The following PACS1 variants were observed in gnomAD, a reference collection of about 807,000 sequenced individuals.
PACS1 encodes the protein phosphofurin acidic cluster sorting protein 1, also known as PACS-1.
In PACS1, 24 loss-of-function variants were observed where a neutral mutation model predicts 115.0. The observed-to-expected ratio is 0.21, with a 90% CI of 0.15 to 0.29. The LOEUF (loss-of-function observed/expected upper bound fraction) is 0.29. Ranked by LOEUF, PACS1 falls within the 10% of genes least tolerant of loss-of-function variation. PACS1 has a pLI of 1.00. For synonymous variants in PACS1, 453 were observed against 504.5 expected (o/e 0.90, Z 1.37); for missense variants, 838 against 1,251.2 (o/e 0.67, Z 4.98).
chr11:66,183,255 G>A (rs576915689), intron 1 of PACS1, among the ~76,000 whole-genome samples: 107 of 152,312 alleles, frequency 7.0e-4, no homozygotes, highest in Non-Finnish European at 1.4e-3. Flanking sequence ...TCAGCAGTAA[G>A]AATATAGTGC....
chr11:66,138,802 C>T (rs1484527074), intron 1 of PACS1, among the ~76,000 whole-genome samples: 1 of 152,042 alleles, frequency 6.6e-6, no homozygotes, highest in Non-Finnish European at 1.5e-5. Flanking sequence ...CCTGCCTCAG[C>T]CTCCCGAGTA....
intron 1 of PACS1, among the ~76,000 whole-genome samples, chr11:66,131,910 A>G (rs1410663375): frequency 1.3e-5 from 2 of 152,042 alleles, no homozygotes; most frequent in African/African-American, 4.8e-5. Flanking sequence ...TATCTAACAG[A>G]TATCTCAAAC....
At chr11:66,184,833 G>A (rs1391278430) in intron 1 of PACS1, among the ~76,000 whole-genome samples, 1 of 152,162 alleles carries the variant, frequency 6.6e-6, no homozygotes, top group African/African-American at 2.4e-5. Flanking sequence ...CTAGCACAGA[G>A]CTAAGTACAG....
At chr11:66,231,101 C>T (rs1437852081) in intron 13 of PACS1, among the ~76,000 whole-genome samples, 161 bp downstream of exon 13, 1 of 152,252 alleles carries the variant, frequency 6.6e-6, no homozygotes, top group Non-Finnish European at 1.5e-5. Flanking sequence ...GAGAGGTCTC[C>T]TATATTCCTT....
chr11:66,087,031 G>C (rs780618750), intron 1 of PACS1, among the ~76,000 whole-genome samples: 6 of 152,092 alleles, frequency 3.9e-5, no homozygotes, highest in Non-Finnish European at 5.9e-5. Flanking sequence ...AGCCTAACTT[G>C]ATAAATTTTC....
intron 13 of PACS1, among the ~76,000 whole-genome samples, chr11:66,231,525 T>TA (rs1372595623): frequency 6.6e-6 from 1 of 152,204 alleles, no homozygotes; most frequent in Non-Finnish European, 1.5e-5. Flanking sequence ...CGGCACACCT[T>TA]ACACAGTTCC....
At chr11:66,225,458 G>A (rs1855453175) in intron 10 of PACS1, among the ~76,000 whole-genome samples, 1 of 152,210 alleles carries the variant, frequency 6.6e-6, no homozygotes. Flanking sequence ...ACATCTGGAA[G>A]AGCCAGTAAA....
intron 22 of PACS1, among the ~76,000 whole-genome samples, chr11:66,242,506 G>C (rs930419610): frequency 2.6e-5 from 4 of 152,204 alleles, no homozygotes; most frequent in Admixed American, 2.6e-4. Flanking sequence ...GTGGAACAGG[G>C]AGCACTCCCC....
At chr11:66,146,793 C>T (rs377415815) in intron 1 of PACS1, among the ~76,000 whole-genome samples, 25 of 152,180 alleles carry the variant, frequency 1.6e-4, no homozygotes, top group African/African-American at 6.0e-4. Context: ...ACGCCTGTAA[C>T]CCCAGCACCC....
At chr11:66,239,325 A>G (rs1590843187) in intron 21 of PACS1, 48 bp downstream of exon 21, 1 of 1,570,688 alleles carries the variant, frequency 6.4e-7, no homozygotes, top group African/African-American at 1.4e-5. Flanking sequence ...CATCAGGCCC[A>G]CCCGGCTGAT....
intron 4 of PACS1, among the ~76,000 whole-genome samples, chr11:66,214,818 C>CT (rs1855162068): frequency 6.6e-6 from 1 of 151,558 alleles, no homozygotes; most frequent in African/African-American, 2.4e-5. Flanking sequence ...GACGGGGTTC[C>CT]ACCATGTTGC....
chr11:66,191,748 G>A (rs1228161449), intron 1 of PACS1, among the ~76,000 whole-genome samples: 2 of 152,190 alleles, frequency 1.3e-5, no homozygotes, highest in Non-Finnish European at 2.9e-5. Context: ...GGGTGACTGG[G>A]CGTGGTGGCT....
At chr11:66,071,625 CAG>C (rs2134488351) in intron 1 of PACS1, among the ~76,000 whole-genome samples, 1 of 152,302 alleles carries the variant, frequency 6.6e-6, no homozygotes, top group Admixed American at 6.5e-5. Context: ...ACTCTGGGGA[CAG>C]GGTGCTGTGT....
At chr11:66,082,501 T>TA (rs1262210450) in intron 1 of PACS1, among the ~76,000 whole-genome samples, 44 of 150,548 alleles carry the variant, frequency 2.9e-4, no homozygotes, top group East Asian at 2.5e-3. Flanking sequence ...CTGGCCACCT[T>TA]AAAAAAAAAC....
intron 1 of PACS1, among the ~76,000 whole-genome samples, chr11:66,081,810 C>T (rs896537638): frequency 1.3e-5 from 2 of 152,174 alleles, no homozygotes; most frequent in African/African-American, 4.8e-5. Flanking sequence ...CATTTGTCAC[C>T]GGTGAAAACT....
intron 1 of PACS1, among the ~76,000 whole-genome samples, chr11:66,120,513 A>G (rs1277618302): frequency 2.0e-5 from 3 of 152,186 alleles, no homozygotes; most frequent in Non-Finnish European, 4.4e-5. Context: ...TTCTACTAGA[A>G]TCAACATTAT....
chr11:66,084,898 T>G (rs998395096), intron 1 of PACS1, among the ~76,000 whole-genome samples: 4 of 152,180 alleles, frequency 2.6e-5, no homozygotes, highest in African/African-American at 9.7e-5. Context: ...GATAGAATAA[T>G]CCATAGGTTG....
intron 1 of PACS1, among the ~76,000 whole-genome samples, chr11:66,138,000 G>A (rs1858888001): frequency 6.6e-6 from 1 of 152,014 alleles, no homozygotes; most frequent in South Asian, 2.1e-4. Context: ...CTAGAATGCT[G>A]GTATTACAGA....
chr11:66,198,591 G>A (rs1014307289), intron 2 of PACS1, among the ~76,000 whole-genome samples: 15 of 152,162 alleles, frequency 9.9e-5, no homozygotes, highest in Admixed American at 4.6e-4. Context: ...CAGGGGTTAG[G>A]GGTGGGGGTG....
Sources: allele counts gnomAD v4.1 joint callset (sites outside exome capture counted in the v4.1 genomes callset), GRCh38; gene constraint gnomAD v4.1.1; transcripts MANE v1.5; gene names NCBI Gene and HGNC (gene_info 2026-07-23, HGNC 2026-07-21).